Variants in PLCB4 observed in about 807,000 individuals in gnomAD.
PLCB4 encodes the protein phospholipase C beta 4.
A neutral mutation model predicts 178.8 loss-of-function variants in PLCB4; 77 were observed. The observed-to-expected ratio is 0.43, with a 90% CI of 0.36 to 0.52. The LOEUF (loss-of-function observed/expected upper bound fraction) is 0.52, where lower values mean the gene tolerates loss of function less well. Ranked by LOEUF, PLCB4 falls within the 20% of genes least tolerant of loss-of-function variation. The probability of loss-of-function intolerance (pLI) is 0.00; values close to 1 mark genes in which losing one functional copy is unlikely to be tolerated. For missense variants in PLCB4, 1,024 were observed against 1,453.4 expected, an observed-to-expected ratio of 0.70 and a Z score of 4.80; for synonymous variants, 496 against 490.8, an observed-to-expected ratio of 1.01 and a Z score of -0.14.
intron 4 of PLCB4, among the ~76,000 whole-genome samples, chr20:9,332,991 C>T (rs192316206): frequency 6.6e-6 from 1 of 152,268 alleles, no homozygotes; most frequent in African/African-American, 2.4e-5. Context: ...TGCCTTTAGG[C>T]AGACGGCCTC....
At chr20:9,111,915 A>G (rs565041198) in intron 2 of PLCB4, among the ~76,000 whole-genome samples, 6 of 152,308 alleles carry the variant, frequency 3.9e-5, no homozygotes, top group Admixed American at 3.3e-4. Context: ...AGAAGTATGT[A>G]TTTAATGTGT....
intron 2 of PLCB4, among the ~76,000 whole-genome samples, chr20:9,204,369 C>G (rs1012067454): frequency 6.6e-6 from 1 of 150,878 alleles, no homozygotes; most frequent in Non-Finnish European, 1.5e-5. Context: ...ATTTTTTTTG[C>G]GGGGGTGGGG....
At chr20:9,305,163 A>G (rs758716881) in intron 3 of PLCB4, among the ~76,000 whole-genome samples, 2 of 151,816 alleles carry the variant, frequency 1.3e-5, no homozygotes, top group Admixed American at 6.6e-5. Flanking sequence ...CGTATTTACT[A>G]TGCTTAGTGA....
chr20:9,443,389 T>A (rs548948626), intron 30 of PLCB4, among the ~76,000 whole-genome samples: 57 of 152,318 alleles, frequency 3.7e-4, no homozygotes, highest in African/African-American at 1.2e-3. Context: ...CCTGATCAGC[T>A]CCCCTTTATG....
intron 2 of PLCB4, among the ~76,000 whole-genome samples, chr20:9,157,871 G>A (rs1324081099): frequency 6.6e-6 from 1 of 152,174 alleles, no homozygotes. Flanking sequence ...GTTTGAGGCT[G>A]CAGTGAGCTG....
intron 20 of PLCB4, among the ~76,000 whole-genome samples, chr20:9,402,125 C>T (rs950567416): frequency 6.6e-6 from 1 of 152,220 alleles, no homozygotes; most frequent in African/African-American, 2.4e-5. Context: ...GCCTTCTGCC[C>T]TTAGGCAGCT....
At chr20:9,149,940 C>T (rs769143869) in intron 2 of PLCB4, among the ~76,000 whole-genome samples, 1 of 152,162 alleles carries the variant, frequency 6.6e-6, no homozygotes, top group Non-Finnish European at 1.5e-5. Context: ...AGTTAACCCT[C>T]TGAAGCAGGT....
At chr20:9,290,890 G>C (rs1325157278) in intron 3 of PLCB4, among the ~76,000 whole-genome samples, 1 of 152,010 alleles carries the variant, frequency 6.6e-6, no homozygotes, top group South Asian at 2.1e-4. Context: ...TATAAGCTAA[G>C]AAAACATCAG....
Position 9,385,276 on chromosome 20 carries a change from C to T in PLCB4, c.1064+865C>T, listed in dbSNP as rs571154368. On this transcript the variant is annotated intron_variant, in intron 14 of 39. Coordinates refer to ENST00000378473, the MANE Select transcript of PLCB4 (RefSeq NM_001377142.1). The stretch of plus-strand genomic sequence containing the variant: ...CCACATTTCCCCCTTTTCTTTTCGA[C>T]AAAACCGCCATCGTCATCATGGCCC... Among the ~76,000 whole-genome samples the T allele has an allele frequency of 3.3e-3, 495 of 152,258 alleles. 6 individuals are homozygous for T. Among genetic ancestry groups the T allele is most frequent in the Non-Finnish European group, 1.4e-3 (93 of 68,010 alleles).
chr20:9,156,306 A>G (rs1197727045), intron 2 of PLCB4, among the ~76,000 whole-genome samples: 1 of 152,168 alleles, frequency 6.6e-6, no homozygotes, highest in African/African-American at 2.4e-5. Flanking sequence ...ACCATTACTC[A>G]TAATATGTAA....
intron 2 of PLCB4, among the ~76,000 whole-genome samples, chr20:9,200,992 A>G (rs894162459): frequency 4.6e-5 from 7 of 152,256 alleles, no homozygotes; most frequent in African/African-American, 1.2e-4. Flanking sequence ...GATCCTCAGC[A>G]GCAGAAGGCA....
At chr20:9,175,941 ACAC>A (rs2093147556) in intron 2 of PLCB4, among the ~76,000 whole-genome samples, 1 of 152,130 alleles carries the variant, frequency 6.6e-6, no homozygotes, top group Non-Finnish European at 1.5e-5. Flanking sequence ...GCAAATGTGT[ACAC>A]CACCACCACA....
At chr20:9,255,632 A>G (rs551932837) in intron 3 of PLCB4, among the ~76,000 whole-genome samples, 91 of 151,956 alleles carry the variant, frequency 6.0e-4, no homozygotes, top group Middle Eastern at 3.4e-3. Context: ...GTGAATAGCC[A>G]TAGATTTCAC....
chr20:9,275,824 G>T (rs116525491), intron 3 of PLCB4, among the ~76,000 whole-genome samples: 4,799 of 152,184 alleles, frequency 0.032, 224 homozygotes, highest in African/African-American at 0.1. Flanking sequence ...CTTCTCAAAA[G>T]ATGTGCAATG....
In PLCB4 at chr20:9,218,249, G is replaced by C. The variant is rs6118528; in HGVS notation, c.-16+797G>C. Among the ~76,000 whole-genome samples, 13 of 152,242 alleles carry C rather than the reference G, an allele frequency of 8.5e-5. No individual in the cohort carries two copies. In the East Asian group the frequency reaches 2.5e-3, roughly 29 times the overall value. On this transcript the variant is annotated intron_variant, in intron 3 of 39. Transcript: ENST00000378473. ...CCTCCACTTCCTGAGTAGCATTACA[G>C]GTGCATGCCACCACGCCTGGCTAAT...
chr20:9,431,927 T>C (rs879295984), intron 28 of PLCB4, among the ~76,000 whole-genome samples: 9 of 152,206 alleles, frequency 5.9e-5, no homozygotes, highest in Non-Finnish European at 1.0e-4. Flanking sequence ...TATAAAGTGC[T>C]ATATTATTTA....
intron 3 of PLCB4, among the ~76,000 whole-genome samples, chr20:9,218,386 T>G (rs1400437915): frequency 6.6e-6 from 1 of 152,234 alleles, no homozygotes; most frequent in African/African-American, 2.4e-5. Flanking sequence ...ATTACAGGTA[T>G]GAACCACCGA....
In PLCB4 at chr20:9,421,367, C is replaced by T; in HGVS notation, c.2225C>T (p.Pro742Leu). 1.2e-6 allele frequency: 2 copies of T among 1,612,976 alleles called. No individual in the cohort carries two copies. Among genetic ancestry groups the T allele is most frequent in the Non-Finnish European group, 1.7e-6 (2 of 1,179,070 alleles). The change falls in exon 27 of 40, where the codon CCC becomes CTC. Residue 742 changes from proline to leucine, a missense_variant. Physicochemically the swap from Pro to Leu is moderately conservative, Grantham distance 98 (BLOSUM62 -3). Transcript: ENST00000378473. ...TYVEVDMYGL[P>L]TDTIRKEFRT... ...GTAGAGGTGGATATGTATGGGTTGC[C>T]CACTGACACCATACGTAAGGAATTC...
At chr20:9,090,510 GTGT>G (rs1277408156) in intron 1 of PLCB4, among the ~76,000 whole-genome samples, 73 of 96,348 alleles carry the variant, frequency 7.6e-4, no homozygotes, top group African/African-American at 2.6e-3. Flanking sequence ...CATTTTTAGT[GTGT>G]TTTTTTTTTT....
Sources: gnomAD v4.1 joint callset for allele counts (sites outside exome capture counted in the v4.1 genomes callset) on GRCh38, gnomAD v4.1.1 for gene constraint, MANE v1.5 for transcripts, NCBI Gene and HGNC (gene_info 2026-07-23, HGNC 2026-07-21) for gene names.